SCUBE3: variants seen among roughly 807,000 people sequenced by gnomAD.
The protein encoded by SCUBE3 is signal peptide, CUB domain and EGF like domain containing 3, also known as signal peptide, CUB and EGF-like domain-containing protein 3.
SCUBE3 carries 33 observed loss-of-function variants against 116.8 expected under a neutral mutation model. The ratio of observed to expected loss-of-function variants is 0.28; its 90% CI spans 0.21 to 0.38. The LOEUF (loss-of-function observed/expected upper bound fraction) is 0.38, where lower values mean the gene tolerates loss of function less well. Ranked by LOEUF, SCUBE3 falls within the 10% of genes least tolerant of loss-of-function variation. SCUBE3 has a pLI of 1.00. For synonymous variants in SCUBE3, 418 were observed against 496.9 expected (o/e 0.84, Z 2.11); for missense variants, 1,007 against 1,324.8 (o/e 0.76, Z 3.72).
At chr6:35,221,889 G>C (rs1472474776) in intron 1 of SCUBE3, 1 of 152,254 alleles carries the variant, frequency 6.6e-6, no homozygotes, top group East Asian at 1.9e-4. Flanking sequence ...GATCAGAGAA[G>C]GCTGGTAGTG....
In SCUBE3 at chr6:35,227,709, C is replaced by T; in HGVS notation, c.208+7C>T. 6.2e-7 allele frequency: 1 copy of T among 1,613,972 alleles called. No individual in the cohort carries two copies. The highest frequency in any genetic ancestry group is 2.2e-5 in the East Asian group (1 of 44,886). ...GACGGCAAACACTGCAAAGGTGAGG[C>T]TGGAAGGGCACCTGGAGGAGAGGGA... On this transcript the variant is annotated splice_region_variant and intron_variant, in intron 2 of 21. Coordinates refer to ENST00000274938, the MANE Select transcript of SCUBE3 (RefSeq NM_152753.4).
In SCUBE3 at chr6:35,228,738, G is replaced by A; in HGVS notation, c.333G>A (p.Leu111=). 6.2e-7 allele frequency: 1 copy of A among 1,614,074 alleles called. No individual in the cohort carries two copies. The highest frequency in any genetic ancestry group is 8.5e-7 in the Non-Finnish European group (1 of 1,179,948). ...FHLAHDGHNC[L]DVDECAEGNG... ...TGGCACATGACGGACACAACTGTCT[G>A]GGTAAGCAAAGGAGAGGGGATTTGG... Residue 111 remains leucine (L), a splice_region_variant and synonymous_variant, in exon 3 of 22, where the codon CTG becomes CTA. Transcript: ENST00000274938. The surrounding 1 kb of genome is among the most constrained non-coding windows in gnomAD (Gnocchi z 4.9).
chr6:35,237,990 G>C lies in SCUBE3; in HGVS notation c.801G>C (p.Met267Ile). 1 of 1,608,548 alleles carries C rather than the reference G, an allele frequency of 6.2e-7. No homozygotes were observed. Among genetic ancestry groups the C allele is most frequent in the Non-Finnish European group, 8.5e-7 (1 of 1,175,254 alleles). The change falls in exon 7 of 22, where the codon ATG becomes ATC. Residue 267 changes from methionine (M) to isoleucine (I), a missense_variant. Transcript: ENST00000274938. ...ACTGCACCTGCCCTGTGGGCTTCAT[G>C]CTGCAGCCAGACAGGAAGACGTGCA... ...GVHCTCPVGF[M>I]LQPDRKTCKD... is the part of the protein sequence containing the mutation.
Position 35,233,036 on chromosome 6 carries a change from G to C in SCUBE3, c.595+61G>C. 1 of 1,593,484 alleles carries C rather than the reference G, an allele frequency of 6.3e-7. No individual in the cohort carries two copies. The highest frequency in any genetic ancestry group is 1.1e-5 in the South Asian group (1 of 89,558). On this transcript the variant is annotated intron_variant, in intron 5 of 21. Coordinates refer to ENST00000274938, the MANE Select transcript of SCUBE3 (RefSeq NM_152753.4). The surrounding 1 kb of genome is among the most constrained non-coding windows in gnomAD (Gnocchi z 5.7). ...TCGGGGGTGAAAACATAGAGGAAGGGTATAGGGCTTCAGGAGCAAGAGGAC... is the reference window on the plus strand; with the variant it reads ...TCGGGGGTGAAAACATAGAGGAAGGCTATAGGGCTTCAGGAGCAAGAGGAC...
chr6:35,241,861 A>T lies in SCUBE3; in HGVS notation c.1368A>T (p.Pro456=), dbSNP rs1246415390. Residue 456 remains proline (P), a synonymous_variant, in exon 12 of 22, where the codon CCA becomes CCT. Transcript: ENST00000274938. The surrounding 1 kb of genome is among the most constrained non-coding windows in gnomAD (Gnocchi z 4.1). ...SCGTPSPRAA[P]ARAGHNGNST... is the part of the protein sequence containing the mutation. ...GGACCCCCAGCCCCAGGGCTGCTCC[A>T]GCCCGAGCTGGCCACAATGGGAACA... 5 of 1,612,494 alleles carry T rather than the reference A, an allele frequency of 3.1e-6. No individual in the cohort carries two copies. The African/African-American group carries it at 5.3e-5, about 17-fold the overall frequency.
rs1784154800 is a variant in SCUBE3 at position 35,243,189 on chromosome 6, C to T, written c.1862C>T (p.Pro621Leu). Residue 621 changes from proline (P) to leucine (L), a missense_variant, in exon 15 of 22, where the codon CCG becomes CTG. By Grantham distance (98) the Pro-to-Leu change is moderately conservative. Coordinates refer to ENST00000274938, the MANE Select transcript of SCUBE3 (RefSeq NM_152753.4). The surrounding 1 kb of genome is among the most constrained non-coding windows in gnomAD (Gnocchi z 6.6). ...CTGGTAGCCGGGGAGCGAGCAGAGCCGATGGAGTCCTGTAGGCCCGGGCAG... is the reference window on the plus strand; with the variant it reads ...CTGGTAGCCGGGGAGCGAGCAGAGCTGATGGAGTCCTGTAGGCCCGGGCAG... ...PGLVAGERAE[P>L]MESCRPGQHR... 6 of 1,614,188 alleles carry T rather than the reference C, an allele frequency of 3.7e-6. No homozygotes were observed. Among genetic ancestry groups the T allele is most frequent in the African/African-American group, 1.3e-5 (1 of 75,058 alleles).
chr6:35,243,261 G>C lies in SCUBE3; in HGVS notation c.1909+25G>C, dbSNP rs774090218. 2 of 1,598,868 alleles carry C rather than the reference G, an allele frequency of 1.3e-6. No homozygotes were observed. The highest frequency in any genetic ancestry group is 3.3e-5 in the Admixed American group (2 of 59,974). ...GGTAAGGGAGCTTACTGGGGAGCAG[G>C]GATGTAGGAAAGACCCAGTTTGGGC... is the stretch of plus-strand genomic sequence containing the variant. On this transcript the variant is annotated intron_variant, in intron 15 of 21. Transcript: ENST00000274938. This position sits in a 1 kb window ranked among gnomAD's most constrained non-coding sequence, Gnocchi z 6.6.
rs1459772991 is a variant in SCUBE3, at chr6:35,214,397, T to C, written c.-22T>C. ...TGGCCGCGAGACCGGCCCCGGCGGCTGGGCCGCCAGTAGCTCCAGCCATGG... is the reference window on the plus strand; with the variant it reads ...TGGCCGCGAGACCGGCCCCGGCGGCCGGGCCGCCAGTAGCTCCAGCCATGG... On this transcript the variant is annotated 5_prime_UTR_variant, in exon 1 of 22. Coordinates refer to ENST00000274938, the MANE Select transcript of SCUBE3 (RefSeq NM_152753.4). The surrounding 1 kb of genome is among the most constrained non-coding windows in gnomAD (Gnocchi z 6.3). The C allele has an allele frequency of 2.1e-6, 3 of 1,410,326 alleles. No individual in the cohort carries two copies. Among genetic ancestry groups the C allele is most frequent in the Admixed American group, 2.7e-5 (1 of 37,428 alleles). The allele number at this position is 1,410,326 out of a possible 1,614,324, so 87.4% of individuals were successfully genotyped here.
chr6:35,220,420 A>G (rs1371019958), intron 1 of SCUBE3: 1 of 152,194 alleles, frequency 6.6e-6, no homozygotes, highest in Non-Finnish European at 1.5e-5. Flanking sequence ...TAATATTACT[A>G]ATCACAAAAC....
Position 35,245,496 on chromosome 6 carries a change from G to C in SCUBE3, c.2599+71G>C. The C allele has an allele frequency of 1.6e-6, 2 of 1,280,936 alleles. No homozygotes were observed. The highest frequency in any genetic ancestry group is 1.1e-6 in the Non-Finnish European group (1 of 880,610). The allele number at this position is 1,280,936 out of a possible 1,614,324, so 79.3% of individuals were successfully genotyped here. On this transcript the variant is annotated intron_variant, in intron 19 of 21. Coordinates refer to ENST00000274938, the MANE Select transcript of SCUBE3 (RefSeq NM_152753.4). This position sits in a 1 kb window ranked among gnomAD's most constrained non-coding sequence, Gnocchi z 4.2. ...GGTTAAGGCGGAGAACAAAGAGAGA[G>C]ACTGATACAGGAAGAAATGGGGCAG...
chr6:35,243,718 C>T lies in SCUBE3; in HGVS notation c.2034C>T (p.His678=), dbSNP rs200757056. 110 of 1,614,102 alleles carry T rather than the reference C, an allele frequency of 6.8e-5. No individual in the cohort carries two copies. Among genetic ancestry groups the T allele is most frequent in the Middle Eastern group, 3.3e-4 (2 of 6,060 alleles). ...ACCTTTGCCCTGGGAGTGATGCCCA[C>T]GGGCCTCTTGGAGCCACCAACGTCA... ...SCDLCPGSDA[H]GPLGATNVTT... is the part of the protein sequence containing the mutation. Residue 678 remains histidine, a synonymous_variant, in exon 16 of 22, where the codon CAC becomes CAT. Coordinates refer to ENST00000274938, the MANE Select transcript of SCUBE3 (RefSeq NM_152753.4). The surrounding 1 kb of genome is among the most constrained non-coding windows in gnomAD (Gnocchi z 6.6).
At position 35,214,473 on chromosome 6, in the gene SCUBE3, C is replaced by A; in HGVS notation, c.55C>A (p.Arg19Ser). 6.6e-7 allele frequency: 1 copy of A among 1,507,980 alleles called. No individual in the cohort carries two copies. The highest frequency in any genetic ancestry group is 8.8e-7 in the Non-Finnish European group (1 of 1,132,830). 93.4% of individuals were successfully genotyped at this position (1,507,980 alleles called of 1,614,324 possible). Residue 19 changes from arginine to serine, a missense_variant, in exon 1 of 22, where the codon CGC (arginine) becomes AGC (serine). Arg to Ser is a moderately radical substitution (Grantham distance 110). Transcript: ENST00000274938. This position sits in a 1 kb window ranked among gnomAD's most constrained non-coding sequence, Gnocchi z 6.3. ...LCLLVLLVHA[R>S]AAQYSKAAQD... Reference sequence around the variant, plus strand: ...CCTGCTTGTCCTGCTGGTCCACGCCCGCGCCGCCCAGTACAGCAAAGCCGC... The same window carrying A: ...CCTGCTTGTCCTGCTGGTCCACGCCAGCGCCGCCCAGTACAGCAAAGCCGC...
chr6:35,245,975 C>G lies in SCUBE3; in HGVS notation c.2631C>G (p.Thr877=). ...SSPSSITTYE[T]CQTYERPIAF... is the part of the protein sequence containing the mutation. ...CATCCTCCATTACCACTTATGAGACCTGCCAGACCTACGAGCGTCCCATTG... is the reference window on the plus strand; with the variant it reads ...CATCCTCCATTACCACTTATGAGACGTGCCAGACCTACGAGCGTCCCATTG... Residue 877 remains threonine, a synonymous_variant, in exon 20 of 22, where the codon ACC becomes ACG. Coordinates refer to ENST00000274938, the MANE Select transcript of SCUBE3 (RefSeq NM_152753.4). The surrounding 1 kb of genome is among the most constrained non-coding windows in gnomAD (Gnocchi z 4.2). 1 of 1,614,158 alleles carries G rather than the reference C, an allele frequency of 6.2e-7. No individual in the cohort carries two copies. Among genetic ancestry groups the G allele is most frequent in the Non-Finnish European group, 8.5e-7 (1 of 1,180,032 alleles).
chr6:35,248,733 T>G lies in SCUBE3; in HGVS notation c.*28T>G. The G allele has an allele frequency of 6.2e-7, 1 of 1,610,076 alleles. No individual in the cohort carries two copies. The highest frequency in any genetic ancestry group is 8.5e-7 in the Non-Finnish European group (1 of 1,177,208). ...ACCCTAGGCTCAGAGACCCAATTTT[T>G]TAAGCCCCCAGACTCCTTAGCCCTC... is the stretch of plus-strand genomic sequence containing the variant. On this transcript the variant is annotated 3_prime_UTR_variant, in exon 22 of 22. Transcript: ENST00000274938.
intron 1 of SCUBE3, chr6:35,222,440 C>G (rs1426599930): frequency 1.3e-5 from 2 of 152,244 alleles, no homozygotes; most frequent in African/African-American, 4.8e-5. Flanking sequence ...TTATGGAGTG[C>G]TCTGCTAGGC....
In SCUBE3 at chr6:35,251,748, T is replaced by G. The variant is rs937873567; in HGVS notation, c.*3043T>G. 6.6e-6 allele frequency: 1 copy of G among 152,206 alleles called. No homozygotes were observed. The highest frequency in any genetic ancestry group is 2.4e-5 in the African/African-American group (1 of 41,438). The allele number at this position is 152,206 out of a possible 1,614,324, so 9.4% of individuals were successfully genotyped here. ...ACCTGCTATTGTCCACCAAGTTTAA[T>G]TTAGGTCCTCCAAGTTGGAGGGTTA... On this transcript the variant is annotated 3_prime_UTR_variant, in exon 22 of 22. Coordinates refer to ENST00000274938, the MANE Select transcript of SCUBE3 (RefSeq NM_152753.4).
chr6:35,222,810 C>T (rs375920521), intron 1 of SCUBE3: 1 of 152,224 alleles, frequency 6.6e-6, no homozygotes, highest in South Asian at 2.1e-4. Context: ...TGCATTTCCC[C>T]ACACCAGGCC....
intron 1 of SCUBE3, among the ~76,000 whole-genome samples, chr6:35,225,138 T>C (rs954550881): frequency 6.6e-6 from 1 of 152,230 alleles, no homozygotes; most frequent in Non-Finnish European, 1.5e-5. Context: ...GCTTCCTGTA[T>C]TGGGACCCTA....
rs1475332120 is a variant in SCUBE3 at position 35,240,412 on chromosome 6, A to G, written c.991A>G (p.Ile331Val). The G allele has an allele frequency of 6.2e-6, 10 of 1,609,220 alleles. No individual in the cohort carries two copies. Among genetic ancestry groups the G allele is most frequent in the Admixed American group, 3.4e-5 (2 of 59,404 alleles). The change falls in exon 9 of 22, where the codon ATA becomes GTA. Residue 331 changes from isoleucine (I) to valine (V), a missense_variant. Around this residue, in one of 5 missense-constraint regions of SCUBE3, gnomAD observed 214 missense variants for 316.7 expected, o/e 0.68. Transcript: ENST00000274938. The surrounding 1 kb of genome is among the most constrained non-coding windows in gnomAD (Gnocchi z 4.6). ...ECSFDRTCDH[I>V]CVNTPGSFQC... ...TTCCTTTGATCGAACCTGTGACCACATATGTGTCAACACACCAGGAAGCTT... is the reference window on the plus strand; with the variant it reads ...TTCCTTTGATCGAACCTGTGACCACGTATGTGTCAACACACCAGGAAGCTT...
Sources: allele counts gnomAD v4.1 joint callset (sites outside exome capture counted in the v4.1 genomes callset), GRCh38; gene constraint gnomAD v4.1.1; regional missense constraint gnomAD v4.1.1; non-coding constraint Gnocchi (gnomAD v3.1); transcripts MANE v1.5; gene names NCBI Gene and HGNC (gene_info 2026-07-23, HGNC 2026-07-21).